The following FBXO36 variants were observed in gnomAD, a reference collection of about 807,000 sequenced individuals.
FBXO36 encodes F-box only protein 36.
In FBXO36, 18 loss-of-function variants were observed where a neutral mutation model predicts 17.0. That is an observed-to-expected ratio of 1.06 (90% CI 0.73 to 1.57). FBXO36 has a LOEUF of 1.57. FBXO36 is among the 40% of genes most tolerant of loss of function. The pLI is 0.00. For missense variants in FBXO36, 229 were observed against 221.9 expected (o/e 1.03, Z -0.20); for synonymous variants, 83 against 85.3 (o/e 0.97, Z 0.15).
At chr2:229,958,688 G>A (rs547737213) in intron 1 of FBXO36, among the ~76,000 whole-genome samples, 4 of 152,208 alleles carry the variant, frequency 2.6e-5, no homozygotes, top group South Asian at 2.1e-4. Flanking sequence ...GACTCACCCC[G>A]TCCCTCTGCA....
At chr2:229,939,069 T>C (rs1479623451) in intron 1 of FBXO36, 1 of 156,104 alleles carries the variant, frequency 6.4e-6, no homozygotes, top group Non-Finnish European at 1.3e-5. Context: ...TTTTTTTTTT[T>C]TTTTGAGGAG....
At chr2:229,941,030 C>T (rs1045870673) in intron 1 of FBXO36, among the ~76,000 whole-genome samples, 1 of 152,054 alleles carries the variant, frequency 6.6e-6, no homozygotes, top group Non-Finnish European at 1.5e-5. Context: ...ATCTGTTTGG[C>T]ACAATCCCCC....
chr2:229,964,614 G>A (rs761123246), intron 1 of FBXO36, among the ~76,000 whole-genome samples: 11 of 152,134 alleles, frequency 7.2e-5, no homozygotes, highest in South Asian at 2.1e-4. Flanking sequence ...TCCACCTCCC[G>A]GGTTCAAGTG....
intron 1 of FBXO36, among the ~76,000 whole-genome samples, chr2:229,974,149 A>G (rs909983478): frequency 4.3e-4 from 65 of 152,208 alleles, no homozygotes; most frequent in African/African-American, 1.5e-3. Flanking sequence ...GATTATGAAC[A>G]TTAGTTTTCT....
chr2:229,963,733 C>T (rs1480063674), intron 1 of FBXO36, among the ~76,000 whole-genome samples: 4 of 152,162 alleles, frequency 2.6e-5, no homozygotes, highest in African/African-American at 7.2e-5. Flanking sequence ...CGTGAGCCAC[C>T]GCGCCCAGCC....
chr2:229,968,074 G>A (rs1019781378), intron 1 of FBXO36, among the ~76,000 whole-genome samples: 15 of 151,786 alleles, frequency 9.9e-5, no homozygotes, highest in African/African-American at 2.9e-4. Context: ...TGGTCTATTC[G>A]GAGATTCAAC....
intron 1 of FBXO36, among the ~76,000 whole-genome samples, chr2:229,924,928 C>A: frequency 6.6e-6 from 1 of 152,012 alleles, no homozygotes; most frequent in East Asian, 1.9e-4. Flanking sequence ...GCCACCACGC[C>A]CGGCTAATTT....
At chr2:229,968,717 C>T (rs1332550030) in intron 1 of FBXO36, among the ~76,000 whole-genome samples, 1 of 152,050 alleles carries the variant, frequency 6.6e-6, no homozygotes, top group African/African-American at 2.4e-5. Flanking sequence ...GTCTACCCAC[C>T]ACAGCCTCCC....
At chr2:229,929,727 C>T (rs751747942) in intron 1 of FBXO36, among the ~76,000 whole-genome samples, 12 of 151,612 alleles carry the variant, frequency 7.9e-5, no homozygotes, top group Non-Finnish European at 1.2e-4. Flanking sequence ...GGAATGGTGG[C>T]GCACGCCTGT....
At chr2:229,963,594 G>A (rs560134496) in intron 1 of FBXO36, among the ~76,000 whole-genome samples, 8 of 151,844 alleles carry the variant, frequency 5.3e-5, no homozygotes, top group Non-Finnish European at 8.8e-5. Flanking sequence ...ACAGGCGCCC[G>A]CCACCATGCC....
chr2:229,977,153 CA>C (rs967665415), intron 2 of FBXO36: 15 of 152,140 alleles, frequency 9.9e-5, no homozygotes, highest in Non-Finnish European at 1.6e-4. Context: ...ATTTAAAAAA[CA>C]TTTTTTTTAT....
At chr2:229,937,347 T>C (rs1158823752) in intron 1 of FBXO36, among the ~76,000 whole-genome samples, 1 of 151,582 alleles carries the variant, frequency 6.6e-6, no homozygotes, top group East Asian at 1.9e-4. Flanking sequence ...ATACAAAAAT[T>C]AGCCGAGTGT....
intron 1 of FBXO36, among the ~76,000 whole-genome samples, chr2:229,933,932 C>T (rs1445338675): frequency 2.6e-5 from 4 of 152,006 alleles, no homozygotes; most frequent in Admixed American, 2.0e-4. Context: ...GTGATCTGCC[C>T]GCTTTGGCCT....
intron 1 of FBXO36, among the ~76,000 whole-genome samples, chr2:229,922,858 T>C (rs1366174042): frequency 6.6e-6 from 1 of 152,174 alleles, no homozygotes; most frequent in Non-Finnish European, 1.5e-5. Context: ...CGCGTGCTCC[T>C]TTCCCGCCAC....
chr2:230,003,822 C>G (rs2077372643), intron 3 of FBXO36, among the ~76,000 whole-genome samples: 1 of 152,178 alleles, frequency 6.6e-6, no homozygotes, highest in African/African-American at 2.4e-5. Flanking sequence ...CATGAGCCAC[C>G]CATGCCCAAC....
intron 1 of FBXO36, chr2:229,944,987 T>C (rs762426323): frequency 6.6e-5 from 10 of 152,208 alleles, no homozygotes; most frequent in Non-Finnish European, 1.3e-4. Flanking sequence ...AAACTTCAGT[T>C]TGAAATAGGT....
rs959509184 is a variant in FBXO36, at chr2:229,937,352, G to A, written c.96+14743G>A. Among the ~76,000 whole-genome samples, 5 of 151,970 alleles carry A rather than the reference G, an allele frequency of 3.3e-5. No individual in the cohort carries two copies. In the East Asian group the frequency reaches 5.8e-4, roughly 18 times the overall value. ...TCTACTAAGAATACAAAAATTAGCC[G>A]AGTGTGGTGGCAGGCACCTGTAATC... On this transcript the variant is annotated intron_variant, in intron 1 of 3. Transcript: ENST00000283946.
intron 1 of FBXO36, among the ~76,000 whole-genome samples, chr2:229,933,845 C>T (rs1486859189): frequency 6.6e-6 from 1 of 151,950 alleles, no homozygotes; most frequent in Non-Finnish European, 1.5e-5. Flanking sequence ...ACCACCATAC[C>T]CAGCTAATTG....
At chr2:229,938,052 C>T (rs1349841866) in intron 1 of FBXO36, among the ~76,000 whole-genome samples, 2 of 152,074 alleles carry the variant, frequency 1.3e-5, no homozygotes, top group African/African-American at 4.8e-5. Flanking sequence ...GCTGCAACCT[C>T]TGCCTCCTGG....
Sources: allele counts gnomAD v4.1 joint callset (sites outside exome capture counted in the v4.1 genomes callset), GRCh38; gene constraint gnomAD v4.1.1; transcripts MANE v1.5; gene names NCBI Gene and HGNC (gene_info 2026-07-23, HGNC 2026-07-21).